Variants in FNIP1 observed in about 807,000 individuals in gnomAD.
The protein encoded by FNIP1 is folliculin-interacting protein 1.
FNIP1 carries 40 observed loss-of-function variants against 124.5 expected under a neutral mutation model. That is an observed-to-expected ratio of 0.32 (90% CI 0.25 to 0.42). FNIP1 has a LOEUF of 0.42. FNIP1 is among the 10% of genes least tolerant of loss of function. The pLI, the probability that FNIP1 is intolerant of heterozygous loss-of-function variation, is 1.00. For synonymous variants in FNIP1, 472 were observed against 470.6 expected, an observed-to-expected ratio of 1.00 and a Z score of -0.04; for missense variants, 1,176 against 1,403.7, an observed-to-expected ratio of 0.84 and a Z score of 2.59.
chr5:131,688,546 C>A (rs1164342458), intron 11 of FNIP1, among the ~76,000 whole-genome samples: 1 of 151,270 alleles, frequency 6.6e-6, no homozygotes. Context: ...TTAGAATTAT[C>A]AGAATGGGAA....
chr5:131,678,219 T>C (rs547086811), intron 12 of FNIP1, among the ~76,000 whole-genome samples: 1 of 152,338 alleles, frequency 6.6e-6, no homozygotes, highest in African/African-American at 2.4e-5. Context: ...AGCAGGTCCT[T>C]ACATTTCCAA....
chr5:131,785,670 A>G (rs1323076368), intron 1 of FNIP1, among the ~76,000 whole-genome samples: 3 of 152,172 alleles, frequency 2.0e-5, no homozygotes, highest in Non-Finnish European at 4.4e-5. Flanking sequence ...GGGCTTTACT[A>G]TGTAATCTTT....
chr5:131,762,991 G>C (rs2149572972), intron 1 of FNIP1, among the ~76,000 whole-genome samples: 1 of 152,294 alleles, frequency 6.6e-6, no homozygotes, highest in South Asian at 2.1e-4. Flanking sequence ...AGTGGAGATA[G>C]AGTAGAATGA....
chr5:131,762,735 C>A (rs1245310959), intron 1 of FNIP1, among the ~76,000 whole-genome samples: 2 of 152,074 alleles, frequency 1.3e-5, no homozygotes, highest in Non-Finnish European at 2.9e-5. Flanking sequence ...TACAGCAATC[C>A]CACTGCTAAG....
At chr5:131,686,613 AATC>A (rs1159861234) in intron 11 of FNIP1, among the ~76,000 whole-genome samples, 1 of 152,230 alleles carries the variant, frequency 6.6e-6, no homozygotes, top group Admixed American at 6.5e-5. Context: ...AATGTGTAAT[AATC>A]ATATCAGGAT....
chr5:131,656,739 T>C (rs31583), intron 15 of FNIP1, among the ~76,000 whole-genome samples: 119,169 of 152,004 alleles, frequency 0.78, 46,952 homozygotes, highest in African/African-American at 0.83. Context: ...TTTTTATTGC[T>C]GATGAAAGAA....
intron 1 of FNIP1, among the ~76,000 whole-genome samples, chr5:131,774,621 C>T (rs1456703431): frequency 6.6e-6 from 1 of 152,152 alleles, no homozygotes; most frequent in Admixed American, 6.5e-5. Flanking sequence ...ATGAAGTCAT[C>T]CCAATGTTTG....
intron 1 of FNIP1, among the ~76,000 whole-genome samples, chr5:131,769,665 G>A (rs972782449): frequency 1.3e-5 from 2 of 152,208 alleles, no homozygotes; most frequent in African/African-American, 2.4e-5. Flanking sequence ...GGAACCATGA[G>A]GGACCGGGAG....
intron 3 of FNIP1, among the ~76,000 whole-genome samples, chr5:131,728,916 G>A (rs1769983650): frequency 6.6e-6 from 1 of 152,162 alleles, no homozygotes; most frequent in African/African-American, 2.4e-5. Flanking sequence ...CTGTTTGTTA[G>A]TTTTCCTTCT....
chr5:131,746,023 CT>C (rs1288050472), intron 1 of FNIP1, among the ~76,000 whole-genome samples: 1 of 152,126 alleles, frequency 6.6e-6, no homozygotes, highest in Non-Finnish European at 1.5e-5. Context: ...TGACATGGAT[CT>C]TTACTTTACA....
intron 15 of FNIP1, among the ~76,000 whole-genome samples, chr5:131,666,847 A>C (rs1767617751): frequency 6.6e-6 from 1 of 152,234 alleles, no homozygotes; most frequent in Non-Finnish European, 1.5e-5. Flanking sequence ...AGGCTTTCAC[A>C]GAGAAAGTCA....
Position 131,706,453 on chromosome 5 carries a change from C to A in FNIP1, c.872G>T (p.Arg291Leu). ...CASSYQRRWR[R>L]SQTTSLENGV... is the part of the protein sequence containing the mutation. ...ATTTTCCAAACTTGTTGTTTGGCTGCGTCGCCAACGTCGCTGGTAGCTGCT... is the reference window on the plus strand; with the variant it reads ...ATTTTCCAAACTTGTTGTTTGGCTGAGTCGCCAACGTCGCTGGTAGCTGCT... The change falls in exon 9 of 18, where the codon CGC (arginine) becomes CTC (leucine). Residue 291 changes from arginine (R) to leucine (L), a missense_variant. Arg to Leu is a moderately radical substitution (Grantham distance 102). This residue lies in a region of FNIP1 where 1,109 missense variants were observed against 1,288.5 expected (regional missense o/e 0.86). Coordinates refer to ENST00000510461, the MANE Select transcript of FNIP1 (RefSeq NM_133372.3). 1 of 1,613,190 alleles carries A rather than the reference C, an allele frequency of 6.2e-7. No individual in the cohort carries two copies. The highest frequency in any genetic ancestry group is 8.5e-7 in the Non-Finnish European group (1 of 1,179,546).
chr5:131,667,573 TTTTGTTTGTTTGTTTG>T lies in FNIP1; in HGVS notation c.3108+2874_3108+2889del, dbSNP rs35498280. On this transcript the variant is annotated intron_variant, in intron 15 of 17. Transcript: ENST00000510461. ...CACTTGGCTTTCTTCACTTCTGTTTTTTTGTTTGTTTGTTTGTTTGTTTGTTTGTTTTGAAATGGTT... is the reference window on the plus strand; with the variant it reads ...CACTTGGCTTTCTTCACTTCTGTTTTTTTGTTTGTTTGTTTTGAAATGGTT... 2.6e-5 allele frequency among the ~76,000 whole-genome samples: 4 copies of T among 150,944 alleles called. No individual in the cohort carries two copies. In the East Asian group the frequency reaches 5.9e-4, roughly 22 times the overall value.
At chr5:131,677,964 T>A in intron 12 of FNIP1, 92 bp from the exon 13 acceptor site, 2 of 1,319,944 alleles carry the variant, frequency 1.5e-6, no homozygotes, top group South Asian at 3.0e-5. Context: ...GGAGTATATA[T>A]GTTCATGTGG....
intron 6 of FNIP1, among the ~76,000 whole-genome samples, chr5:131,711,945 C>G (rs908392021): frequency 1.3e-5 from 2 of 152,144 alleles, no homozygotes; most frequent in Non-Finnish European, 2.9e-5. Context: ...TAAAAATTAT[C>G]TACTTCTTCA....
At position 131,744,826 on chromosome 5, in the gene FNIP1, T is replaced by C. The variant is rs910085709; in HGVS notation, c.93-136A>G. 9.0e-6 allele frequency: 5 copies of C among 554,890 alleles called. 1 individual carries two copies. Among genetic ancestry groups the C allele is most frequent in the African/African-American group, 2.0e-5 (1 of 50,000 alleles). The allele number at this position is 554,890 out of a possible 1,614,324, so 34.4% of individuals were successfully genotyped here. A position where few individuals can be genotyped will look rare whatever the true frequency, so the allele number is the denominator to read the frequency against. On this transcript the variant is annotated intron_variant, in intron 1 of 17. Coordinates refer to ENST00000510461, the MANE Select transcript of FNIP1 (RefSeq NM_133372.3). ...GTTAAATAATATATATATCTTTATA[T>C]TAAATATCACCAGTTCATGGCTGAA...
At chr5:131,750,675 T>C (rs1409222824) in intron 1 of FNIP1, among the ~76,000 whole-genome samples, 1 of 151,566 alleles carries the variant, frequency 6.6e-6, no homozygotes, top group African/African-American at 2.4e-5. Context: ...TGCAGTAGCA[T>C]GATCTCGGCT....
At chr5:131,780,835 C>T (rs1348837704) in intron 1 of FNIP1, among the ~76,000 whole-genome samples, 1 of 152,168 alleles carries the variant, frequency 6.6e-6, no homozygotes, top group Non-Finnish European at 1.5e-5. Context: ...CAATTAATAA[C>T]CCCACAATGG....
At chr5:131,697,904 G>A (rs530873053) in intron 11 of FNIP1, among the ~76,000 whole-genome samples, 1 of 149,820 alleles carries the variant, frequency 6.7e-6, no homozygotes, top group African/African-American at 2.5e-5. Context: ...AGGAGGCAGA[G>A]GTTGCAGTGA....
Sources: allele counts gnomAD v4.1 joint callset (sites outside exome capture counted in the v4.1 genomes callset), GRCh38; gene constraint gnomAD v4.1.1; regional missense constraint gnomAD v4.1.1; transcripts MANE v1.5; gene names NCBI Gene and HGNC (gene_info 2026-07-23, HGNC 2026-07-21).